Variants in LAMA4 observed in about 807,000 individuals in gnomAD.
LAMA4 encodes laminin subunit alpha 4.
Under a neutral mutation model 207.1 loss-of-function variants are expected in LAMA4, and 127 were observed. The ratio of observed to expected loss-of-function variants is 0.61; its 90% CI spans 0.53 to 0.71. LAMA4 has a LOEUF of 0.71. Ranked by LOEUF, LAMA4 falls within the 30% of genes least tolerant of loss-of-function variation. LAMA4 has a pLI of 0.00. For missense variants in LAMA4, 2,093 were observed against 2,246.5 expected, an observed-to-expected ratio of 0.93 and a Z score of 1.38; for synonymous variants, 761 against 816.0, an observed-to-expected ratio of 0.93 and a Z score of 1.15.
intron 31 of LAMA4, among the ~76,000 whole-genome samples, chr6:112,128,641 T>C (rs527432659): frequency 1.6e-4 from 25 of 152,240 alleles, no homozygotes; most frequent in Non-Finnish European, 2.9e-4. Flanking sequence ...GCTATCACTC[T>C]GATTTGATTT....
Position 112,134,588 on chromosome 6 carries a change from C to T in LAMA4, c.3436G>A (p.Asp1146Asn), listed in dbSNP as rs782492885. 9.9e-6 allele frequency: 16 copies of T among 1,609,350 alleles called. No homozygotes were observed. The highest frequency in any genetic ancestry group is 1.4e-5 in the Non-Finnish European group (16 of 1,176,684). Residue 1146 changes from aspartate (D) to asparagine (N), a missense_variant, in exon 26 of 39, where the codon GAT becomes AAT. Transcript: ENST00000230538. ...YHEISIIYHN[D>N]KKMILVVDRR... Reference sequence around the variant, plus strand: ...TCAACTACCAAGATCATTTTCTTATCATTGTGGTAAATGATTGAGATCTGG... The same window carrying T: ...TCAACTACCAAGATCATTTTCTTATTATTGTGGTAAATGATTGAGATCTGG...
intron 2 of LAMA4, 52 bp from the exon 3 acceptor site, chr6:112,216,521 C>A: frequency 2.4e-6 from 3 of 1,255,498 alleles, no homozygotes; most frequent in South Asian, 2.4e-5. Flanking sequence ...TGATTTTGGT[C>A]AATATTTTCT....
intron 24 of LAMA4, among the ~76,000 whole-genome samples, chr6:112,138,851 C>A (rs1246848946): frequency 6.6e-6 from 1 of 152,098 alleles, no homozygotes; most frequent in African/African-American, 2.4e-5. Flanking sequence ...TCTGCAGACA[C>A]CCTGCTCATC....
At position 112,158,665 on chromosome 6, in the gene LAMA4, T is replaced by C. The variant is rs1195891717; in HGVS notation, c.1817+67A>G. On this transcript the variant is annotated intron_variant, in intron 14 of 38. Coordinates refer to ENST00000230538, the MANE Select transcript of LAMA4 (RefSeq NM_001105206.3). ...ATTGTATCCCAGTAGTTCTGACATA[T>C]GGAATTGAATAGTAATATTTTATTC... is the stretch of plus-strand genomic sequence containing the variant. The C allele has an allele frequency of 4.2e-6, 6 of 1,414,750 alleles. No individual in the cohort carries two copies. In the African/African-American group the frequency reaches 8.5e-5, roughly 20 times the overall value. The allele number at this position is 1,414,750 out of a possible 1,614,324, so 87.6% of individuals were successfully genotyped here.
intron 18 of LAMA4, among the ~76,000 whole-genome samples, chr6:112,146,360 A>C (rs1275048571): frequency 6.6e-6 from 1 of 152,064 alleles, no homozygotes; most frequent in Non-Finnish European, 1.5e-5. Flanking sequence ...GAATGGCATA[A>C]ATTTTTCCAG....
Position 112,122,206 on chromosome 6 carries a change from A to G in LAMA4, c.4288-5T>C, listed in dbSNP as rs1554326383. On this transcript the variant is annotated splice_region_variant and splice_polypyrimidine_tract_variant and intron_variant, in intron 31 of 38. Coordinates refer to ENST00000230538, the MANE Select transcript of LAMA4 (RefSeq NM_001105206.3). Reference sequence around the variant, plus strand: ...TGCATCTTTACTTTTCCCTCCCTATAAAAGTAAACCAAATTAAGGGATAAA... The same window carrying G: ...TGCATCTTTACTTTTCCCTCCCTATGAAAGTAAACCAAATTAAGGGATAAA... 2 of 1,612,236 alleles carry G rather than the reference A, an allele frequency of 1.2e-6. No individual in the cohort carries two copies. The highest frequency in any genetic ancestry group is 2.2e-5 in the East Asian group (1 of 44,842).
chr6:112,225,962 T>G (rs1785185783), intron 2 of LAMA4, among the ~76,000 whole-genome samples: 1 of 152,194 alleles, frequency 6.6e-6, no homozygotes, highest in Admixed American at 6.5e-5. Context: ...TGCATGCCCT[T>G]GCGTCCTCCT....
intron 36 of LAMA4, 30 bp downstream of exon 36, chr6:112,115,833 A>G (rs1554323514): frequency 6.2e-7 from 1 of 1,608,444 alleles, no homozygotes. Context: ...GTCAGATGAG[A>G]CAAATTGTTA....
At chr6:112,151,827 T>G (rs1391743657) in intron 16 of LAMA4, among the ~76,000 whole-genome samples, 1 of 152,124 alleles carries the variant, frequency 6.6e-6, no homozygotes, top group Non-Finnish European at 1.5e-5. Flanking sequence ...TATTCTCAGT[T>G]TGCCGAAAGT....
chr6:112,220,819 A>G (rs1784883349), intron 2 of LAMA4, among the ~76,000 whole-genome samples: 2 of 152,146 alleles, frequency 1.3e-5, no homozygotes, highest in African/African-American at 4.8e-5. Flanking sequence ...GCTATGGCAA[A>G]CTTTTAAGTC....
intron 5 of LAMA4, among the ~76,000 whole-genome samples, chr6:112,196,046 T>C (rs1342426496): frequency 2.0e-5 from 3 of 152,044 alleles, no homozygotes; most frequent in Non-Finnish European, 2.9e-5. Context: ...TTTATTTTTT[T>C]CTTGACAGGT....
At chr6:112,113,967 C>G (rs1554322284) in intron 38 of LAMA4, 109 bp downstream of exon 38, 8 of 1,279,778 alleles carry the variant, frequency 6.3e-6, no homozygotes, top group Non-Finnish European at 8.0e-6. Flanking sequence ...ATATAAAATC[C>G]TTTGAGTAAC....
intron 2 of LAMA4, among the ~76,000 whole-genome samples, chr6:112,246,634 T>G (rs1786957694): frequency 6.6e-6 from 1 of 151,996 alleles, no homozygotes; most frequent in South Asian, 2.1e-4. Context: ...AATTCTCTGC[T>G]TCAGCCTCCC....
chr6:112,172,878 A>G, intron 11 of LAMA4, 74 bp from the exon 12 acceptor site: 5 of 1,315,390 alleles, frequency 3.8e-6, no homozygotes, highest in Non-Finnish European at 5.4e-6. Context: ...CATTTTGCAA[A>G]GTTGCAAAAT....
At chr6:112,165,868 T>C (rs1380421222) in intron 12 of LAMA4, among the ~76,000 whole-genome samples, 1 of 152,238 alleles carries the variant, frequency 6.6e-6, no homozygotes, top group African/African-American at 2.4e-5. Context: ...CTAATACATG[T>C]CTTGATGAGT....
At chr6:112,205,860 A>G (rs1027063189) in intron 4 of LAMA4, among the ~76,000 whole-genome samples, 16 of 152,158 alleles carry the variant, frequency 1.1e-4, no homozygotes, top group African/African-American at 3.4e-4. Context: ...CCAATGGCCA[A>G]TGATTTGACC....
intron 9 of LAMA4, among the ~76,000 whole-genome samples, chr6:112,180,736 T>C (rs1782308568): frequency 6.6e-6 from 1 of 152,132 alleles, no homozygotes; most frequent in South Asian, 2.1e-4. Flanking sequence ...ACCTGGGGCA[T>C]TTTTGCACAT....
At chr6:112,132,136 C>T (rs909099712) in intron 28 of LAMA4, among the ~76,000 whole-genome samples, 5 of 151,890 alleles carry the variant, frequency 3.3e-5, no homozygotes, top group African/African-American at 4.8e-5. Flanking sequence ...AGATAGCGAC[C>T]GCTTCACAAA....
intron 11 of LAMA4, among the ~76,000 whole-genome samples, chr6:112,173,143 T>C (rs1781824278): frequency 6.6e-6 from 1 of 152,204 alleles, no homozygotes; most frequent in African/African-American, 2.4e-5. Flanking sequence ...GGGTATAGTA[T>C]GGTTTTTACT....
Sources: gnomAD v4.1 joint callset for allele counts (sites outside exome capture counted in the v4.1 genomes callset) on GRCh38, gnomAD v4.1.1 for gene constraint, MANE v1.5 for transcripts, NCBI Gene and HGNC (gene_info 2026-07-23, HGNC 2026-07-21) for gene names.